USH1C: variants seen among roughly 807,000 people sequenced by gnomAD.
USH1C encodes harmonin.
A neutral mutation model predicts 119.3 loss-of-function variants in USH1C; 90 were observed. The observed-to-expected ratio is 0.75, with a 90% confidence interval of 0.64 to 0.90. The LOEUF (loss-of-function observed/expected upper bound fraction) is 0.90, where lower values mean the gene tolerates loss of function less well. Ranked by LOEUF, USH1C falls within the 40% of genes least tolerant of loss-of-function variation. The pLI is 0.00. For missense variants in USH1C, 1,165 were observed against 1,167.7 expected, an observed-to-expected ratio of 1.00 and a Z score of 0.03; for synonymous variants, 465 against 443.3, an observed-to-expected ratio of 1.05 and a Z score of -0.62.
At position 17,531,601 on chromosome 11, in the gene USH1C, G is replaced by C; in HGVS notation, c.105-59C>G. Reference sequence around the variant, plus strand: ...CCCTGGCCATGACCTCAGGCACCCAGGGATTCCAAGAGGAAGCCATTTCAG... The same window carrying C: ...CCCTGGCCATGACCTCAGGCACCCACGGATTCCAAGAGGAAGCCATTTCAG... On this transcript the variant is annotated intron_variant, in intron 2 of 26. Transcript: ENST00000005226. This position sits in a 1 kb window ranked among gnomAD's most constrained non-coding sequence, Gnocchi z 4.2. The C allele has an allele frequency of 6.2e-7, 1 of 1,600,364 alleles. No individual in the cohort carries two copies. The highest frequency in any genetic ancestry group is 1.1e-5 in the South Asian group (1 of 89,716).
intron 2 of USH1C, among the ~76,000 whole-genome samples, chr11:17,532,927 C>T (rs561343356): frequency 6.6e-6 from 1 of 152,244 alleles, no homozygotes; most frequent in Non-Finnish European, 1.5e-5. Context: ...AGGGCTGTGG[C>T]CAGCTGGCAT....
chr11:17,540,057 CAT>C (rs1396637627), intron 1 of USH1C, among the ~76,000 whole-genome samples: 3 of 152,200 alleles, frequency 2.0e-5, no homozygotes, highest in South Asian at 2.1e-4. Context: ...GTCTCAAACT[CAT>C]GGACTCAAGT....
intron 10 of USH1C, 26 bp from the exon 11 acceptor site, chr11:17,523,293 C>A (rs185115478): frequency 1.1e-5 from 17 of 1,614,000 alleles, no homozygotes; most frequent in Non-Finnish European, 1.4e-5. Context: ...GACAGTGGGC[C>A]GAGGCCTGAC....
intron 10 of USH1C, 65 bp downstream of exon 10, chr11:17,523,354 G>T: frequency 1.2e-6 from 2 of 1,612,516 alleles, no homozygotes. Flanking sequence ...GCTCCAGGGT[G>T]GTGGGGATGA....
At chr11:17,511,806 G>A (rs1849903207) in intron 16 of USH1C, 96 bp downstream of exon 16, 10 of 1,452,020 alleles carry the variant, frequency 6.9e-6, no homozygotes, top group South Asian at 1.4e-5. Flanking sequence ...TATGCCATTT[G>A]AGGAGAACAA....
intron 14 of USH1C, among the ~76,000 whole-genome samples, chr11:17,518,329 G>C (rs1282113352): frequency 6.6e-6 from 1 of 152,210 alleles, no homozygotes; most frequent in Non-Finnish European, 1.5e-5. Flanking sequence ...TCCAAATCGT[G>C]GGGTCTCTTG....
chr11:17,496,960 C>T (rs1002460534), intron 24 of USH1C, 147 bp from the exon 25 acceptor site: 4 of 822,332 alleles, frequency 4.9e-6, no homozygotes, highest in Non-Finnish European at 5.8e-6. Context: ...CCCACTGTGA[C>T]TTCCATGGTC....
chr11:17,518,223 T>A (rs1850245794), intron 14 of USH1C, among the ~76,000 whole-genome samples: 1 of 152,240 alleles, frequency 6.6e-6, no homozygotes. Context: ...TACCCAACAG[T>A]GGAACCCTGA....
chr11:17,510,413 T>A lies in USH1C; in HGVS notation c.1522A>T (p.Ile508Phe), dbSNP rs781549946. 6.2e-7 allele frequency: 1 copy of A among 1,611,492 alleles called. No individual in the cohort carries two copies. The highest frequency in any genetic ancestry group is 8.5e-7 in the Non-Finnish European group (1 of 1,179,248). Residue 508 changes from isoleucine to phenylalanine, a missense_variant, in exon 17 of 27, where the codon ATT (isoleucine) becomes TTT (phenylalanine). By Grantham distance (21) the Ile-to-Phe change is conservative. Transcript: ENST00000005226. ...LEQISSADNE[I>F]SEMTTGPPPP... is the part of the protein sequence containing the mutation. ...AAGAAGGGCTCTGTTACCTCTGAAA[T>A]CTCATTATCAGCAGAGGAAATCTGC...
intron 23 of USH1C, among the ~76,000 whole-genome samples, chr11:17,500,759 TA>T (rs1849404597): frequency 1.3e-5 from 2 of 152,152 alleles, no homozygotes; most frequent in African/African-American, 4.8e-5. Context: ...CGTCAGCCCT[TA>T]GCAGACCATG....
intron 26 of USH1C, chr11:17,495,120 T>G: frequency 4.1e-6 from 1 of 241,378 alleles, no homozygotes. Flanking sequence ...TCCCAGGAGG[T>G]TGGCATTCAC....
chr11:17,517,226 G>A (rs184714448), intron 14 of USH1C, among the ~76,000 whole-genome samples: 85 of 152,322 alleles, frequency 5.6e-4, no homozygotes, highest in African/African-American at 1.9e-3. Context: ...GAGTCCTGTC[G>A]TCTAGGCTTT....
rs1850995802 is a variant in USH1C at position 17,531,730 on chromosome 11, T to TC, written c.105-189dup. Among the ~76,000 whole-genome samples, 3 of 152,086 alleles carry TC rather than the reference T, an allele frequency of 2.0e-5. No homozygotes were observed. Among genetic ancestry groups the TC allele is most frequent in the Non-Finnish European group, 2.9e-5 (2 of 68,000 alleles). Reference sequence around the variant, plus strand: ...AAGACTTTGTTCTCTTATATAAATATCCCCAGGAAACCAGTCTACTAGGGA... The same window carrying TC: ...AAGACTTTGTTCTCTTATATAAATATCCCCCAGGAAACCAGTCTACTAGGGA... On this transcript the variant is annotated intron_variant, in intron 2 of 26. Coordinates refer to ENST00000005226, the MANE Select transcript of USH1C (RefSeq NM_153676.4). This position sits in a 1 kb window ranked among gnomAD's most constrained non-coding sequence, Gnocchi z 4.2.
chr11:17,521,975 C>T (rs1250056839), intron 12 of USH1C, among the ~76,000 whole-genome samples: 3 of 152,102 alleles, frequency 2.0e-5, no homozygotes, highest in African/African-American at 7.2e-5. Context: ...ATTACAGTCG[C>T]ATGCCACTAT....
Position 17,523,470 on chromosome 11 carries a change from G to A in USH1C, c.768C>T (p.Asp256=). Residue 256 remains aspartate, a synonymous_variant, in exon 10 of 27, where the codon GAC becomes GAT. Transcript: ENST00000005226. ...CGACGCCATTGACTTCGACAATCTGGTCCCCTATCTGGTGGGGAAATGGAG... is the reference window on the plus strand; with the variant it reads ...CGACGCCATTGACTTCGACAATCTGATCCCCTATCTGGTGGGGAAATGGAG... ...LSAEVGLEIG[D]QIVEVNGVDF... is the part of the protein sequence containing the mutation. 6.2e-7 allele frequency: 1 copy of A among 1,614,206 alleles called. No individual in the cohort carries two copies. The highest frequency in any genetic ancestry group is 8.5e-7 in the Non-Finnish European group (1 of 1,180,022).
rs759001163 is a variant in USH1C, at chr11:17,517,443, G to A, written c.1211-1153C>T. The A allele has an allele frequency of 1.3e-5, 20 of 1,595,910 alleles. No homozygotes were observed. The East Asian group carries it at 2.3e-4, about 18-fold the overall frequency. On this transcript the variant is annotated intron_variant, in intron 14 of 26. Coordinates refer to ENST00000005226, the MANE Select transcript of USH1C (RefSeq NM_153676.4). ...CCGTGCCTCCATCCAGGTCATCTGC[G>A]GGCTCGAGCTCAGGTTCCACTCCCT...
chr11:17,506,773 C>G (rs2133807376), intron 18 of USH1C, among the ~76,000 whole-genome samples: 1 of 152,324 alleles, frequency 6.6e-6, no homozygotes, highest in South Asian at 2.1e-4. Flanking sequence ...CTACTCCAGC[C>G]CTCTTCCTTA....
Position 17,526,807 on chromosome 11 carries a change from A to G in USH1C, c.525T>C (p.Ser175=), listed in dbSNP as rs539851299. Residue 175 remains serine, a synonymous_variant, in exon 7 of 27, where the codon TCT becomes TCC. Coordinates refer to ENST00000005226, the MANE Select transcript of USH1C (RefSeq NM_153676.4). Reference sequence around the variant, plus strand: ...ACTGCCAAGTGAGGGGCTCATCAGGAGAGCTGATGGGAAGGGAAAATAGAT... The same window carrying G: ...ACTGCCAAGTGAGGGGCTCATCAGGGGAGCTGATGGGAAGGGAAAATAGAT... The part of the protein sequence containing the change: ...RHIGLIPVKS[S]PDEPLTWQYV... The G allele has an allele frequency of 3.1e-6, 5 of 1,614,012 alleles. No homozygotes were observed. In the African/African-American group the frequency reaches 5.3e-5, roughly 17 times the overall value.
intron 4 of USH1C, among the ~76,000 whole-genome samples, chr11:17,528,802 G>T (rs1317522431): frequency 2.6e-5 from 4 of 152,216 alleles, no homozygotes; most frequent in Non-Finnish European, 4.4e-5. Flanking sequence ...AAATGGCACT[G>T]GGGTGGGGGC....
Sources: gnomAD v4.1 joint callset for allele counts (sites outside exome capture counted in the v4.1 genomes callset) on GRCh38, gnomAD v4.1.1 for gene constraint, Gnocchi (gnomAD v3.1) non-coding constraint, MANE v1.5 for transcripts, NCBI Gene and HGNC (gene_info 2026-07-23, HGNC 2026-07-21) for gene names.